FKBP8: variants seen among roughly 807,000 people sequenced by gnomAD.
FKBP8 encodes peptidyl-prolyl cis-trans isomerase FKBP8.
In FKBP8, 5 loss-of-function variants were observed where a neutral mutation model predicts 41.7. The observed-to-expected ratio is 0.12, with a 90% CI of 0.06 to 0.25. The LOEUF (loss-of-function observed/expected upper bound fraction) is 0.25. Ranked by LOEUF, FKBP8 falls within the 10% of genes least tolerant of loss-of-function variation. The pLI is 1.00. For synonymous variants in FKBP8, 279 were observed against 254.5 expected (o/e 1.10, Z -0.92); for missense variants, 397 against 563.0 (o/e 0.71, Z 2.98).
Position 18,533,039 on chromosome 19 carries a change from T to TG in FKBP8, c.1023+230dup, listed in dbSNP as rs1193392008. ...GTTCTGGAAGGAAGGCCAAGGACAC[T>TG]GGCATGGAGCAGGCTGGCAGTGCCC... On this transcript the variant is annotated intron_variant, in intron 7 of 8. Coordinates refer to ENST00000608443, the MANE Select transcript of FKBP8 (RefSeq NM_012181.5). 5.6e-6 allele frequency: 4 copies of TG among 712,384 alleles called. No homozygotes were observed. In the East Asian group the frequency reaches 1.1e-4, roughly 20 times the overall value. The allele number at this position is 712,384 out of a possible 1,614,324, so 44.1% of individuals were successfully genotyped here. A position where few individuals can be genotyped will look rare whatever the true frequency, so the allele number is the denominator to read the frequency against.
chr19:18,535,322 A>T (rs1472884599), intron 6 of FKBP8, among the ~76,000 whole-genome samples: 1 of 151,998 alleles, frequency 6.6e-6, no homozygotes, highest in Admixed American at 6.6e-5. Context: ...TGGCCTCCTG[A>T]AGTGCTGAGA....
At position 18,532,809 on chromosome 19, in the gene FKBP8, G is replaced by A. The variant is rs1213088623; in HGVS notation, c.1024-14C>T. 3.1e-6 allele frequency: 5 copies of A among 1,612,996 alleles called. No homozygotes were observed. The Admixed American group carries it at 5.0e-5, about 16-fold the overall frequency. ...TGCGTGGATCGTCTGCAGAAGGCAG[G>A]GGAAGCTGAGAACACGCAGCGGCCA... On this transcript the variant is annotated splice_polypyrimidine_tract_variant and intron_variant, in intron 7 of 8. Coordinates refer to ENST00000608443, the MANE Select transcript of FKBP8 (RefSeq NM_012181.5).
chr19:18,536,827 G>A (rs544548791), intron 6 of FKBP8, among the ~76,000 whole-genome samples: 1 of 152,358 alleles, frequency 6.6e-6, no homozygotes, highest in South Asian at 2.1e-4. Context: ...TCAGACAGTC[G>A]GCAATGCCTA....
rs759453786 is a variant in FKBP8 at position 18,533,361 on chromosome 19, G to A, written c.946-14C>T. 1.3e-6 allele frequency: 2 copies of A among 1,594,964 alleles called. No homozygotes were observed. The highest frequency in any genetic ancestry group is 1.1e-5 in the South Asian group (1 of 88,022). On this transcript the variant is annotated splice_polypyrimidine_tract_variant and intron_variant, in intron 6 of 8. Transcript: ENST00000608443. ...CTGGGCCAGCACCTGTAAGGGGAAG[G>A]GGGTGGCATCACTCTGGACCCATAC...
At chr19:18,535,989 G>A (rs1232621440) in intron 6 of FKBP8, 1 of 151,808 alleles carries the variant, frequency 6.6e-6, no homozygotes, top group Non-Finnish European at 1.5e-5. Context: ...CAACCAGCAG[G>A]TCCAAACTTG....
rs183375476 is a variant in FKBP8 at position 18,538,884 on chromosome 19, G to A, written c.552-448C>T. ...GGCTGGAGTGCAGTGGTGCAATCTC[G>A]GTTCACTGCAAGCTCCGCCTCCCGG... On this transcript the variant is annotated intron_variant, in intron 4 of 8. Transcript: ENST00000608443. This position sits in a 1 kb window ranked among gnomAD's most constrained non-coding sequence, Gnocchi z 4.0. 2.6e-3 allele frequency among the ~76,000 whole-genome samples: 361 copies of A among 140,822 alleles called. 1 individual carries two copies. The highest frequency in any genetic ancestry group is 0.017 in the South Asian group (79 of 4,546). 92.4% of individuals were successfully genotyped at this position (140,822 alleles called of 152,430 possible).
In FKBP8 at chr19:18,532,128, G is replaced by T. The variant is rs775030656; in HGVS notation, c.*41C>A. The T allele has an allele frequency of 2.6e-6, 4 of 1,517,478 alleles. No individual in the cohort carries two copies. In the Middle Eastern group the frequency reaches 6.3e-4, roughly 239 times the overall value. 94.0% of individuals were successfully genotyped at this position (1,517,478 alleles called of 1,614,324 possible). A position where few individuals can be genotyped will look rare whatever the true frequency, so the allele number is the denominator to read the frequency against. Reference sequence around the variant, plus strand: ...TGGGGGAGTTGGGGAGCGCAGGGCAGGGTCCATGGTGTGCAGAGGGGGTGG... The same window carrying T: ...TGGGGGAGTTGGGGAGCGCAGGGCATGGTCCATGGTGTGCAGAGGGGGTGG... On this transcript the variant is annotated 3_prime_UTR_variant, in exon 9 of 9. Transcript: ENST00000608443.
Position 18,531,816 on chromosome 19 carries a change from G to T in FKBP8, c.*353C>A. On this transcript the variant is annotated 3_prime_UTR_variant, in exon 9 of 9. Transcript: ENST00000608443. ...GGCGGGGAGGGAACCTGGACAGGGG[G>T]CGGCAGGCGGGGTGGGGGGCTGGCA... 1 of 280,860 alleles carries T rather than the reference G, an allele frequency of 3.6e-6. No individual in the cohort carries two copies. Among genetic ancestry groups the T allele is most frequent in the Admixed American group, 4.4e-5 (1 of 22,762 alleles). 17.4% of individuals were successfully genotyped at this position (280,860 alleles called of 1,614,324 possible). A position where few individuals can be genotyped will look rare whatever the true frequency, so the allele number is the denominator to read the frequency against.
Position 18,542,009 on chromosome 19 carries a change from G to A in FKBP8, c.-25-14C>T, listed in dbSNP as rs532658624. On this transcript the variant is annotated splice_polypyrimidine_tract_variant and intron_variant, in intron 1 of 8. Transcript: ENST00000608443. ...CAGGAATTGGCCCTGGAAGTGGGGG[G>A]CAGAGATGTGGGTCAGAATCCTACA... The A allele has an allele frequency of 3.1e-6, 5 of 1,599,852 alleles. No homozygotes were observed. Among genetic ancestry groups the A allele is most frequent in the Non-Finnish European group, 3.4e-6 (4 of 1,173,024 alleles).
rs761170150 is a variant in FKBP8 at position 18,539,395 on chromosome 19, T to C, written c.527A>G (p.Lys176Arg). The C allele has an allele frequency of 4.3e-6, 7 of 1,613,476 alleles. No homozygotes were observed. The highest frequency in any genetic ancestry group is 5.9e-6 in the Non-Finnish European group (7 of 1,179,990). ...GETAMVTADS[K>R]YCYGPQGSRS... ...CCTGCCTTGGGGGCCGTAGCAGTAC[T>C]TGGAGTCAGCAGTGACCATGGCCGT... Residue 176 changes from lysine to arginine, a missense_variant, in exon 4 of 9, where the codon AAG becomes AGG. Around this residue, in one of 2 missense-constraint regions of FKBP8, gnomAD observed 225 missense variants for 366.8 expected, o/e 0.61. Coordinates refer to ENST00000608443, the MANE Select transcript of FKBP8 (RefSeq NM_012181.5).
At chr19:18,535,075 G>A (rs1429352155) in intron 6 of FKBP8, among the ~76,000 whole-genome samples, 4 of 152,016 alleles carry the variant, frequency 2.6e-5, no homozygotes, top group Non-Finnish European at 5.9e-5. Context: ...ATGAGCCACC[G>A]CTCCAGGCCT....
In FKBP8 at chr19:18,539,700, T is replaced by C; in HGVS notation, c.313A>G (p.Lys105Glu). The C allele has an allele frequency of 6.2e-7, 1 of 1,608,916 alleles. No homozygotes were observed. Among genetic ancestry groups the C allele is most frequent in the Non-Finnish European group, 8.5e-7 (1 of 1,179,990 alleles). The stretch of plus-strand genomic sequence containing the variant: ...CCTGGCGGCCCTGGGACCAGCGTCT[T>C]CTTCCTCAACAGCCCGTTCCCTGCC... ...DILGNGLLRK[K>E]TLVPGPPGSS... The change falls in exon 3 of 9, where the codon AAG becomes GAG. Residue 105 changes from lysine (K) to glutamate (E), a missense_variant. By Grantham distance (56) the Lys-to-Glu change is moderately conservative. Coordinates refer to ENST00000608443, the MANE Select transcript of FKBP8 (RefSeq NM_012181.5).
chr19:18,536,619 TCCCAAG>T (rs1976584958), intron 6 of FKBP8, among the ~76,000 whole-genome samples: 2 of 152,162 alleles, frequency 1.3e-5, no homozygotes, highest in African/African-American at 4.8e-5. Flanking sequence ...CCTCCTGTAA[TCCCAAG>T]TGCTGGGATT....
rs185943052 is a variant in FKBP8 at position 18,533,143 on chromosome 19, A to G, written c.1023+127T>C. On this transcript the variant is annotated intron_variant, in intron 7 of 8. Coordinates refer to ENST00000608443, the MANE Select transcript of FKBP8 (RefSeq NM_012181.5). ...CTTCACAAGCTGACCAGGACCCTTC[A>G]GGTACCTACTCCGTGCCACTGCCCA... The G allele has an allele frequency of 2.3e-4, 201 of 878,814 alleles. No individual in the cohort carries two copies. The African/African-American group carries it at 2.9e-3, about 13-fold the overall frequency. The allele number at this position is 878,814 out of a possible 1,614,324, so 54.4% of individuals were successfully genotyped here.
rs945239064 is a variant in FKBP8 at position 18,539,596 on chromosome 19, C to T, written c.417G>A (p.Glu139=). ...TSLENGTRVQ[E]EPELVFTLGD... is the part of the protein sequence containing the mutation. ...CCAGAGTGAACACCAGCTCCGGCTC[C>T]TCCTGCACCCGTGTGCCATTCTCCA... Residue 139 remains glutamate, a synonymous_variant, in exon 3 of 9, where the codon GAG becomes GAA. Coordinates refer to ENST00000608443, the MANE Select transcript of FKBP8 (RefSeq NM_012181.5). 2 of 1,613,320 alleles carry T rather than the reference C, an allele frequency of 1.2e-6. No homozygotes were observed. The highest frequency in any genetic ancestry group is 1.7e-6 in the Non-Finnish European group (2 of 1,180,024).
chr19:18,542,135 G>A (rs1568412396), intron 1 of FKBP8, 140 bp from the exon 2 acceptor site: 2 of 1,277,104 alleles, frequency 1.6e-6, no homozygotes, highest in Non-Finnish European at 2.1e-6. Context: ...TATACAGTGG[G>A]TGTAACAACA....
intron 6 of FKBP8, among the ~76,000 whole-genome samples, chr19:18,534,776 A>G (rs1460766122): frequency 6.6e-6 from 1 of 150,442 alleles, no homozygotes; most frequent in African/African-American, 2.5e-5. Context: ...TATTTATAAA[A>G]TTATTATTAC....
chr19:18,540,791 G>A (rs980006744), intron 2 of FKBP8, among the ~76,000 whole-genome samples: 1 of 151,790 alleles, frequency 6.6e-6, no homozygotes, highest in African/African-American at 2.4e-5. Context: ...AGAATCGCTT[G>A]AACCTGGGAG....
At chr19:18,536,103 A>G (rs1279800749) in intron 6 of FKBP8, 1 of 152,090 alleles carries the variant, frequency 6.6e-6, no homozygotes, top group Non-Finnish European at 1.5e-5. Flanking sequence ...CTCCCTCTTC[A>G]TATTTCTCTG....
Sources: gnomAD v4.1 joint callset for allele counts (sites outside exome capture counted in the v4.1 genomes callset) on GRCh38, gnomAD v4.1.1 for gene constraint, gnomAD v4.1.1 regional missense constraint, Gnocchi (gnomAD v3.1) non-coding constraint, MANE v1.5 for transcripts, NCBI Gene and HGNC (gene_info 2026-07-23, HGNC 2026-07-21) for gene names.